PHF13: variants seen among roughly 807,000 people sequenced by gnomAD.
The protein encoded by PHF13 is PHD finger protein 13.
In PHF13, 1 loss-of-function variant was observed where a neutral mutation model predicts 25.8. The ratio of observed to expected loss-of-function variants is 0.04; its 90% CI spans 0.01 to 0.18. PHF13 has a LOEUF of 0.18. Ranked by LOEUF, PHF13 falls within the 10% of genes least tolerant of loss-of-function variation. The pLI is 1.00. For missense variants in PHF13, 306 were observed against 403.2 expected, an observed-to-expected ratio of 0.76 and a Z score of 2.06; for synonymous variants, 195 against 162.4, an observed-to-expected ratio of 1.20 and a Z score of -1.53.
chr1:6,617,859 G>A (rs1641283909), intron 2 of PHF13, among the ~76,000 whole-genome samples: 1 of 152,192 alleles, frequency 6.6e-6, no homozygotes, highest in African/African-American at 2.4e-5. Context: ...GGAAACTAAG[G>A]CATAGAGAGG....
rs1304196804 is a variant in PHF13, at chr1:6,623,523, A to C, written c.*1886A>C. The C allele has an allele frequency of 6.6e-6, 1 of 152,562 alleles. No homozygotes were observed. The highest frequency in any genetic ancestry group is 1.5e-5 in the Non-Finnish European group (1 of 68,046). 9.5% of individuals were successfully genotyped at this position (152,562 alleles called of 1,614,324 possible). ...CTGCTTTGAAAAAAAAAAATTCCAC[A>C]AGCTTTTAAAGGTGCATTTAAGAAT... On this transcript the variant is annotated 3_prime_UTR_variant, in exon 4 of 4. Coordinates refer to ENST00000377648, the MANE Select transcript of PHF13 (RefSeq NM_153812.3).
At position 6,616,665 on chromosome 1, in the gene PHF13, C is replaced by CG. The variant is rs1417252345; in HGVS notation, c.40-92_40-91insG. 28 of 1,047,846 alleles carry CG rather than the reference C, an allele frequency of 2.7e-5. No individual in the cohort carries two copies. The African/African-American group carries it at 3.9e-4, about 15-fold the overall frequency. The allele number at this position is 1,047,846 out of a possible 1,614,324, so 64.9% of individuals were successfully genotyped here. ...CTAACGGTATTTTTTGAGTGATTGACTACAAAAGTTCCAGCTTACTTCCTT... is the reference window on the plus strand; with the variant it reads ...CTAACGGTATTTTTTGAGTGATTGACGTACAAAAGTTCCAGCTTACTTCCTT... On this transcript the variant is annotated intron_variant, in intron 1 of 3. Coordinates refer to ENST00000377648, the MANE Select transcript of PHF13 (RefSeq NM_153812.3).
In PHF13 at chr1:6,623,530, T is replaced by C. The variant is rs1231904717; in HGVS notation, c.*1893T>C. On this transcript the variant is annotated 3_prime_UTR_variant, in exon 4 of 4. Transcript: ENST00000377648. ...GAAAAAAAAAAATTCCACAAGCTTT[T>C]AAAGGTGCATTTAAGAATCCATGTG... 6.6e-6 allele frequency: 1 copy of C among 152,532 alleles called. No homozygotes were observed. The highest frequency in any genetic ancestry group is 2.4e-5 in the African/African-American group (1 of 41,404). 9.4% of individuals were successfully genotyped at this position (152,532 alleles called of 1,614,324 possible).
rs756237947 is a variant in PHF13, at chr1:6,616,742, C to T, written c.40-15C>T. 3 of 1,605,886 alleles carry T rather than the reference C, an allele frequency of 1.9e-6. No individual in the cohort carries two copies. The highest frequency in any genetic ancestry group is 1.3e-5 in the African/African-American group (1 of 74,788). ...CTCTCCTTCAAACACATTCCCTTTT[C>T]TCTCCCCTTAATAGGAATACTCCCC... On this transcript the variant is annotated splice_polypyrimidine_tract_variant and intron_variant, in intron 1 of 3. Coordinates refer to ENST00000377648, the MANE Select transcript of PHF13 (RefSeq NM_153812.3).
chr1:6,620,004 A>G lies in PHF13; in HGVS notation c.343A>G (p.Lys115Glu), dbSNP rs1392114790. The G allele has an allele frequency of 4.3e-6, 7 of 1,613,648 alleles. No homozygotes were observed. In the East Asian group the frequency reaches 1.6e-4, roughly 36 times the overall value. ...CCTGCTGGACAGAAAGAAAACGGAC[A>G]AGCTGAAGAAGAAGAAGAAGAGGAA... ...NFLLDRKKTD[K>E]LKKKKKRKRR... is the part of the protein sequence containing the mutation. Residue 115 changes from lysine to glutamate, a missense_variant, in exon 3 of 4, where the codon AAG becomes GAG. This residue lies in a region of PHF13 where 186 missense variants were observed against 164.0 expected (regional missense o/e 1.13). Transcript: ENST00000377648.
Position 6,613,881 on chromosome 1 carries a change from C to G in PHF13, c.-186C>G, listed in dbSNP as rs988378265. 6.6e-5 allele frequency: 34 copies of G among 516,116 alleles called. No homozygotes were observed. Among genetic ancestry groups the G allele is most frequent in the African/African-American group, 5.8e-4 (28 of 48,494 alleles). 32.0% of individuals were successfully genotyped at this position (516,116 alleles called of 1,614,324 possible). A position where few individuals can be genotyped will look rare whatever the true frequency, so the allele number is the denominator to read the frequency against. ...TCGTCCACTCCGGTCGGCGGTGGAACCGCCAGTCCGGGGTCACAGAGCTTG... is the reference window on the plus strand; with the variant it reads ...TCGTCCACTCCGGTCGGCGGTGGAAGCGCCAGTCCGGGGTCACAGAGCTTG... On this transcript the variant is annotated 5_prime_UTR_variant, in exon 1 of 4. Transcript: ENST00000377648.
rs946257363 is a variant in PHF13, at chr1:6,616,064, C to T, written c.40-693C>T. ...TTTTTTTTGAGTTGGAATCTTAGCT[C>T]TGTCTACCGGGCTGGAGTGCAGTGG... On this transcript the variant is annotated intron_variant, in intron 1 of 3. Transcript: ENST00000377648. Among the ~76,000 whole-genome samples the T allele has an allele frequency of 9.7e-5, 12 of 124,250 alleles. No homozygotes were observed. In the Admixed American group the frequency reaches 9.9e-4, roughly 10 times the overall value. 81.5% of individuals were successfully genotyped at this position (124,250 alleles called of 152,430 possible).
At chr1:6,614,231 C>T (rs1002856559) in intron 1 of PHF13, 126 bp downstream of exon 1, 8 of 694,378 alleles carry the variant, frequency 1.2e-5, no homozygotes, top group Non-Finnish European at 1.9e-5. Flanking sequence ...CCCTCGTCGG[C>T]CCCCCCGGGA....
chr1:6,623,667 G>C lies in PHF13; in HGVS notation c.*2030G>C, dbSNP rs529959960. 8 of 152,758 alleles carry C rather than the reference G, an allele frequency of 5.2e-5. No homozygotes were observed. Among genetic ancestry groups the C allele is most frequent in the African/African-American group, 1.9e-4 (8 of 41,582 alleles). The allele number at this position is 152,758 out of a possible 1,614,324, so 9.5% of individuals were successfully genotyped here. A position where few individuals can be genotyped will look rare whatever the true frequency, so the allele number is the denominator to read the frequency against. ...ATTTTGTTTCCTTGATTGCATTTTTGTTCTTTTAGCAGATCTGTCCCTGTG... is the reference window on the plus strand; with the variant it reads ...ATTTTGTTTCCTTGATTGCATTTTTCTTCTTTTAGCAGATCTGTCCCTGTG... On this transcript the variant is annotated 3_prime_UTR_variant, in exon 4 of 4. Coordinates refer to ENST00000377648, the MANE Select transcript of PHF13 (RefSeq NM_153812.3).
intron 3 of PHF13, among the ~76,000 whole-genome samples, chr1:6,620,543 A>G (rs908078310): frequency 5.3e-5 from 8 of 152,210 alleles, no homozygotes; most frequent in Non-Finnish European, 5.9e-5. Context: ...GACAGCTGAG[A>G]TTCTAAGACC....
chr1:6,617,338 G>A (rs774193380), intron 2 of PHF13, among the ~76,000 whole-genome samples: 8 of 151,932 alleles, frequency 5.3e-5, no homozygotes, highest in African/African-American at 7.3e-5. Context: ...CACCTGCCTC[G>A]GCCTCCCAGA....
chr1:6,618,319 T>C (rs1158921627), intron 2 of PHF13, among the ~76,000 whole-genome samples: 2 of 152,124 alleles, frequency 1.3e-5, no homozygotes, highest in Non-Finnish European at 2.9e-5. Flanking sequence ...TTTTAGTAGA[T>C]ACAAGGTTTC....
In PHF13 at chr1:6,613,990, C is replaced by A; in HGVS notation, c.-77C>A. The A allele has an allele frequency of 9.3e-7, 1 of 1,078,214 alleles. No homozygotes were observed. The highest frequency in any genetic ancestry group is 1.4e-6 in the Non-Finnish European group (1 of 737,048). 66.8% of individuals were successfully genotyped at this position (1,078,214 alleles called of 1,614,324 possible). On this transcript the variant is annotated 5_prime_UTR_variant, in exon 1 of 4. Coordinates refer to ENST00000377648, the MANE Select transcript of PHF13 (RefSeq NM_153812.3). Reference sequence around the variant, plus strand: ...CCCTCGCCCTGCGCAGCCGCCCGAGCCCCCAGCCCCGGGCGGCCCCGCTCC... The same window carrying A: ...CCCTCGCCCTGCGCAGCCGCCCGAGACCCCAGCCCCGGGCGGCCCCGCTCC...
chr1:6,618,970 A>G (rs776696099), intron 2 of PHF13, among the ~76,000 whole-genome samples: 4 of 152,102 alleles, frequency 2.6e-5, no homozygotes, highest in African/African-American at 4.8e-5. Context: ...CTAGCAAGAC[A>G]AGGAGGACGT....
intron 2 of PHF13, among the ~76,000 whole-genome samples, chr1:6,618,802 G>T (rs546245150): frequency 2.0e-5 from 3 of 152,002 alleles, no homozygotes; most frequent in African/African-American, 4.8e-5. Context: ...CAGCCATCAT[G>T]CACAGCTAAT....
At chr1:6,619,102 AGT>A (rs1641303033) in intron 2 of PHF13, among the ~76,000 whole-genome samples, 1 of 152,210 alleles carries the variant, frequency 6.6e-6, no homozygotes, top group African/African-American at 2.4e-5. Context: ...GTTTTTTAAG[AGT>A]GTCAGGAAAT....
In PHF13 at chr1:6,622,957, G is replaced by A. The variant is rs1240831812; in HGVS notation, c.*1320G>A. 6.6e-6 allele frequency: 1 copy of A among 152,266 alleles called. No individual in the cohort carries two copies. The highest frequency in any genetic ancestry group is 1.5e-5 in the Non-Finnish European group (1 of 68,050). The allele number at this position is 152,266 out of a possible 1,614,324, so 9.4% of individuals were successfully genotyped here. ...TCTCTGAAATGAACACTGCTCTTCA[G>A]CAGTTCAAGTACTTGTTCTCAAAAC... On this transcript the variant is annotated 3_prime_UTR_variant, in exon 4 of 4. Coordinates refer to ENST00000377648, the MANE Select transcript of PHF13 (RefSeq NM_153812.3).
chr1:6,615,512 C>T (rs1641247624), intron 1 of PHF13, among the ~76,000 whole-genome samples: 2 of 152,072 alleles, frequency 1.3e-5, no homozygotes, highest in South Asian at 2.1e-4. Context: ...CGCACGCCTG[C>T]TCCTCGCGGC....
intron 1 of PHF13, among the ~76,000 whole-genome samples, chr1:6,615,824 G>A (rs1399540443): frequency 2.0e-5 from 3 of 152,158 alleles, no homozygotes; most frequent in East Asian, 1.9e-4. Flanking sequence ...CCGTTTAAAT[G>A]TAAGACTAAG....
Sources: allele counts gnomAD v4.1 joint callset (sites outside exome capture counted in the v4.1 genomes callset), GRCh38; gene constraint gnomAD v4.1.1; regional missense constraint gnomAD v4.1.1; transcripts MANE v1.5; gene names NCBI Gene and HGNC (gene_info 2026-07-23, HGNC 2026-07-21).